MAMDC2: variants seen among roughly 807,000 people sequenced by gnomAD.
The protein encoded by MAMDC2 is MAM domain-containing protein 2.
A neutral mutation model predicts 89.8 loss-of-function variants in MAMDC2; 57 were observed. The observed-to-expected ratio is 0.63, with a 90% confidence interval of 0.51 to 0.79. The LOEUF (loss-of-function observed/expected upper bound fraction) is 0.79, where lower values mean the gene tolerates loss of function less well. Ranked by LOEUF, MAMDC2 falls within the 30% of genes least tolerant of loss-of-function variation. The probability of loss-of-function intolerance (pLI) is 0.00; values close to 1 mark genes in which losing one functional copy is unlikely to be tolerated. For synonymous variants in MAMDC2, 313 were observed against 293.4 expected, an observed-to-expected ratio of 1.07 and a Z score of -0.68; for missense variants, 800 against 820.6, an observed-to-expected ratio of 0.97 and a Z score of 0.31.
At chr9:70,044,298 C>G in intron 1 of MAMDC2, 67 bp downstream of exon 1, 1 of 1,546,516 alleles carries the variant, frequency 6.5e-7, no homozygotes, top group Non-Finnish European at 8.8e-7. Context: ...CTGCTGCCCC[C>G]GGGGGTCCGG....
chr9:70,091,325 G>C (rs1827896513), intron 2 of MAMDC2, among the ~76,000 whole-genome samples: 1 of 152,138 alleles, frequency 6.6e-6, no homozygotes, highest in Non-Finnish European at 1.5e-5. Context: ...CACAGGCCAA[G>C]AGCTGGACAT....
chr9:70,155,759 C>A (rs1036138151), intron 9 of MAMDC2, among the ~76,000 whole-genome samples: 2 of 152,196 alleles, frequency 1.3e-5, no homozygotes, highest in African/African-American at 4.8e-5. Context: ...CCTTCCTCCT[C>A]CAATGCTCCC....
At chr9:70,201,889 C>T (rs1259546562) in intron 11 of MAMDC2, among the ~76,000 whole-genome samples, 6 of 138,340 alleles carry the variant, frequency 4.3e-5, no homozygotes, top group East Asian at 2.2e-4. Context: ...TCTGTGGGAT[C>T]GGTGGTGATA....
chr9:70,145,006 G>A (rs1193475529), intron 9 of MAMDC2, among the ~76,000 whole-genome samples: 2 of 152,176 alleles, frequency 1.3e-5, no homozygotes, highest in Non-Finnish European at 2.9e-5. Context: ...CCATTGCTAG[G>A]TAAGAAGAAA....
At chr9:70,108,097 G>C in intron 2 of MAMDC2, 114 bp from the exon 3 acceptor site, 8 of 1,105,062 alleles carry the variant, frequency 7.2e-6, no homozygotes, top group Non-Finnish European at 1.0e-5. Context: ...TCAGTGGGTT[G>C]ACAAAATATA....
intron 8 of MAMDC2, among the ~76,000 whole-genome samples, chr9:70,143,153 A>C (rs1241517038): frequency 6.6e-6 from 1 of 152,234 alleles, no homozygotes; most frequent in East Asian, 1.9e-4. Flanking sequence ...GGAGATAATA[A>C]GGAAGAATCT....
intron 9 of MAMDC2, 143 bp downstream of exon 9, chr9:70,143,962 C>A (rs973826724): frequency 3.2e-6 from 3 of 923,598 alleles, no homozygotes; most frequent in Non-Finnish European, 3.3e-6. Context: ...CTACTCCCAG[C>A]CACATACAGG....
intron 4 of MAMDC2, among the ~76,000 whole-genome samples, chr9:70,111,211 G>A (rs544646866): frequency 6.6e-6 from 1 of 152,262 alleles, no homozygotes; most frequent in East Asian, 1.9e-4. Context: ...CAGCCTCTTG[G>A]CATCCGTAAA....
intron 11 of MAMDC2, chr9:70,217,441 A>G: frequency 7.5e-7 from 1 of 1,334,834 alleles, no homozygotes; most frequent in Non-Finnish European, 1.1e-6. Flanking sequence ...GAGGGCCATT[A>G]CTGGTGCATC....
At chr9:70,197,982 A>C (rs2033006271) in intron 11 of MAMDC2, among the ~76,000 whole-genome samples, 1 of 152,144 alleles carries the variant, frequency 6.6e-6, no homozygotes, top group Non-Finnish European at 1.5e-5. Flanking sequence ...TAGTGAGTAC[A>C]GTACAGTAAG....
chr9:70,051,845 A>G (rs1375197878), intron 2 of MAMDC2, among the ~76,000 whole-genome samples: 1 of 152,134 alleles, frequency 6.6e-6, no homozygotes, highest in African/African-American at 2.4e-5. Context: ...GTGTTTGATT[A>G]CATATCCATC....
At chr9:70,046,161 A>G (rs1215476751) in intron 2 of MAMDC2, among the ~76,000 whole-genome samples, 2 of 152,174 alleles carry the variant, frequency 1.3e-5, no homozygotes, top group African/African-American at 2.4e-5. Flanking sequence ...TGGGCTTGTA[A>G]GACACAGATT....
At chr9:70,055,003 G>A (rs1057262424) in intron 2 of MAMDC2, among the ~76,000 whole-genome samples, 1 of 152,004 alleles carries the variant, frequency 6.6e-6, no homozygotes, top group Non-Finnish European at 1.5e-5. Flanking sequence ...TCACCTTAAG[G>A]CCAGGAGTTC....
chr9:70,212,564 C>A (rs2033376892), intron 11 of MAMDC2, among the ~76,000 whole-genome samples: 1 of 152,184 alleles, frequency 6.6e-6, no homozygotes, highest in South Asian at 2.1e-4. Flanking sequence ...TTCTGCGACC[C>A]CTTGCGCTTT....
chr9:70,151,751 T>C (rs889560685), intron 9 of MAMDC2, among the ~76,000 whole-genome samples: 11 of 152,124 alleles, frequency 7.2e-5, no homozygotes, highest in African/African-American at 2.4e-4. Flanking sequence ...AGTACTCCTG[T>C]GAGGGAAGTA....
intron 11 of MAMDC2, among the ~76,000 whole-genome samples, chr9:70,196,140 T>C (rs2032970980): frequency 6.6e-6 from 1 of 152,076 alleles, no homozygotes; most frequent in Non-Finnish European, 1.5e-5. Context: ...ATGAGACTTA[T>C]TCACTACCAC....
intron 9 of MAMDC2, among the ~76,000 whole-genome samples, chr9:70,152,793 T>A (rs1036170062): frequency 3.9e-5 from 6 of 152,164 alleles, no homozygotes; most frequent in Non-Finnish European, 8.8e-5. Flanking sequence ...CTTTCATGTG[T>A]AAAATGGGTA....
intron 9 of MAMDC2, among the ~76,000 whole-genome samples, chr9:70,164,731 C>T (rs1371336208): frequency 6.6e-6 from 1 of 151,862 alleles, no homozygotes; most frequent in East Asian, 1.9e-4. Flanking sequence ...TCACTGCAGG[C>T]TCCAACTCCT....
intron 11 of MAMDC2, among the ~76,000 whole-genome samples, chr9:70,174,483 T>C (rs1410842712): frequency 6.6e-6 from 1 of 152,064 alleles, no homozygotes; most frequent in African/African-American, 2.4e-5. Flanking sequence ...CATTGGAAGG[T>C]AGCCTTGAAA....
Sources: gnomAD v4.1 joint callset for allele counts (sites outside exome capture counted in the v4.1 genomes callset) on GRCh38, gnomAD v4.1.1 for gene constraint, MANE v1.5 for transcripts, NCBI Gene and HGNC (gene_info 2026-07-23, HGNC 2026-07-21) for gene names.